ATP10B: variants seen among roughly 807,000 people sequenced by gnomAD.
ATP10B encodes the protein ATPase phospholipid transporting 10B (putative).
ATP10B carries 122 observed loss-of-function variants against 141.2 expected under a neutral mutation model. That is an observed-to-expected ratio of 0.86 (90% CI 0.75 to 1.00). The LOEUF is 1.00. Among genes scored for constraint, ATP10B ranks in the 50% least tolerant of loss-of-function variants. The probability of loss-of-function intolerance (pLI) is 0.00; values close to 1 mark genes in which losing one functional copy is unlikely to be tolerated. For missense variants in ATP10B, 1,876 were observed against 1,825.3 expected (o/e 1.03, Z -0.51); for synonymous variants, 685 against 692.0 (o/e 0.99, Z 0.16).
chr5:160,906,418 T>G, the ATP10B span, among the ~76,000 whole-genome samples: 1 of 152,276 alleles, frequency 6.6e-6, no homozygotes, highest in Non-Finnish European at 1.5e-5. Context: ...AAGGAGCAAT[T>G]TTCACATTTT....
intron 6 of ATP10B, among the ~76,000 whole-genome samples, chr5:160,681,565 G>A (rs1441786413): frequency 6.6e-6 from 1 of 152,146 alleles, no homozygotes; most frequent in Admixed American, 6.5e-5. Context: ...GACAGCTCAA[G>A]CCAAGTTCTA....
chr5:160,620,242 G>C, intron 15 of ATP10B, 105 bp downstream of exon 15: 1 of 1,433,526 alleles, frequency 7.0e-7, no homozygotes, highest in Non-Finnish European at 9.4e-7. Flanking sequence ...GTTGGGACCT[G>C]CCATACCAGG....
At chr5:160,869,971 T>C in the ATP10B span, among the ~76,000 whole-genome samples, 1 of 152,126 alleles carries the variant, frequency 6.6e-6, no homozygotes, top group Non-Finnish European at 1.5e-5. Context: ...TTTTGAAATA[T>C]ACCAGGCAAC....
intron 1 of ATP10B, among the ~76,000 whole-genome samples, chr5:160,813,633 T>C (rs1013847866): frequency 2.0e-5 from 3 of 151,822 alleles, no homozygotes; most frequent in African/African-American, 4.8e-5. Context: ...TCGAAGAGAG[T>C]AGTTGTTCTC....
At chr5:160,802,915 C>T (rs1425648831) in intron 1 of ATP10B, among the ~76,000 whole-genome samples, 2 of 152,156 alleles carry the variant, frequency 1.3e-5, no homozygotes, top group African/African-American at 4.8e-5. Flanking sequence ...ATCCCCATTC[C>T]AGAAAAAGGC....
At chr5:160,733,380 C>T (rs1766869761) in intron 2 of ATP10B, among the ~76,000 whole-genome samples, 1 of 151,744 alleles carries the variant, frequency 6.6e-6, no homozygotes, top group Non-Finnish European at 1.5e-5. Flanking sequence ...TGAAAGGAGT[C>T]TAAGAAAAAG....
At position 160,636,235 on chromosome 5, in the gene ATP10B, G is replaced by C. The variant is rs770370692; in HGVS notation, c.1075C>G (p.Pro359Ala). The change falls in exon 11 of 26, where the codon CCC becomes GCC. Residue 359 changes from proline (P) to alanine (A), a missense_variant. By Grantham distance (27) the Pro-to-Ala change is conservative. Transcript: ENST00000327245. ...DVPDANGSFL[P>A]SALGGFYMFL... ...ATGTAGAAGCCCCCAAGGGCACTGG[G>C]AAGGAAGCTGCCATTGGCATCTGGC... is the stretch of plus-strand genomic sequence containing the variant. The C allele has an allele frequency of 5.6e-6, 9 of 1,613,598 alleles. No homozygotes were observed. In the Admixed American group the frequency reaches 1.5e-4, roughly 27 times the overall value.
intron 14 of ATP10B, 47 bp downstream of exon 14, chr5:160,622,347 T>C: frequency 1.3e-6 from 2 of 1,540,550 alleles, no homozygotes; most frequent in Non-Finnish European, 1.7e-6. Flanking sequence ...TGCCTTCTAC[T>C]CCTCTACCTC....
At chr5:160,888,338 G>A in the ATP10B span, among the ~76,000 whole-genome samples, 1 of 152,212 alleles carries the variant, frequency 6.6e-6, no homozygotes, top group Non-Finnish European at 1.5e-5. Context: ...GAGGCCAAGA[G>A]AGAAGGCAGC....
intron 1 of ATP10B, among the ~76,000 whole-genome samples, chr5:160,834,618 T>C (rs1406164937): frequency 1.3e-5 from 2 of 152,144 alleles, no homozygotes; most frequent in Admixed American, 6.6e-5. Flanking sequence ...GGGAGAACCA[T>C]GCTTAAAATT....
intron 6 of ATP10B, chr5:160,685,195 C>T: frequency 1.6e-6 from 1 of 609,764 alleles, no homozygotes; most frequent in Non-Finnish European, 2.9e-6. Context: ...TTTTCTTTTC[C>T]ACCTTTTCCT....
the ATP10B span, among the ~76,000 whole-genome samples, chr5:160,895,315 C>G: frequency 6.6e-6 from 1 of 152,012 alleles, no homozygotes; most frequent in African/African-American, 2.4e-5. Context: ...ACCCATCTCA[C>G]CTGCAAAGAC....
At chr5:160,838,113 A>G (rs562157563) in intron 1 of ATP10B, among the ~76,000 whole-genome samples, 4 of 152,316 alleles carry the variant, frequency 2.6e-5, no homozygotes, top group African/African-American at 4.8e-5. Flanking sequence ...ACTATACTTC[A>G]TCAATTCATG....
chr5:160,745,872 A>G (rs1466102376), intron 2 of ATP10B, among the ~76,000 whole-genome samples: 1 of 152,266 alleles, frequency 6.6e-6, no homozygotes, highest in Non-Finnish European at 1.5e-5. Context: ...CAATTTGCAC[A>G]TGGACTTAGT....
At chr5:160,668,206 G>C (rs1220542395) in intron 7 of ATP10B, among the ~76,000 whole-genome samples, 1 of 129,316 alleles carries the variant, frequency 7.7e-6, no homozygotes, top group Non-Finnish European at 1.6e-5. Context: ...CTCTAGCTTG[G>C]GTAACAGAGC....
In ATP10B at chr5:160,686,137, A is replaced by G. The variant is rs199860927; in HGVS notation, c.412T>C (p.Phe138Leu). 97 of 1,611,136 alleles carry G rather than the reference A, an allele frequency of 6.0e-5. No individual in the cohort carries two copies. The East Asian group carries it at 2.1e-3, about 36-fold the overall frequency. Reference sequence around the variant, plus strand: ...GCTTTATCAAAGCGGTGTCTCTTGAAGTCCTCCATGCCATCCTTGATCATG... The same window carrying G: ...GCTTTATCAAAGCGGTGTCTCTTGAGGTCCTCCATGCCATCCTTGATCATG... ...VIMIKDGMED[F>L]KRHRFDKAIN... The change falls in exon 6 of 26, where the codon TTC becomes CTC. Residue 138 changes from phenylalanine (F) to leucine (L), a missense_variant. Transcript: ENST00000327245.
intron 19 of ATP10B, 51 bp downstream of exon 19, chr5:160,606,714 C>T (rs768995429): frequency 1.3e-6 from 2 of 1,564,572 alleles, no homozygotes; most frequent in African/African-American, 1.3e-5. Flanking sequence ...TCCAGCCTTT[C>T]ATCAGATCAT....
chr5:160,715,391 T>C (rs1352206507), intron 3 of ATP10B, among the ~76,000 whole-genome samples: 1 of 142,680 alleles, frequency 7.0e-6, no homozygotes, highest in Admixed American at 7.0e-5. Flanking sequence ...GGTGCGTCCG[T>C]CACCCCTTTC....
chr5:160,666,317 G>A (rs1762313320), intron 7 of ATP10B, among the ~76,000 whole-genome samples: 1 of 152,098 alleles, frequency 6.6e-6, no homozygotes, highest in South Asian at 2.1e-4. Context: ...ACAGAAGGAT[G>A]CATATATATT....
Sources: gnomAD v4.1 joint callset for allele counts (sites outside exome capture counted in the v4.1 genomes callset) on GRCh38, gnomAD v4.1.1 for gene constraint, MANE v1.5 for transcripts, NCBI Gene and HGNC (gene_info 2026-07-23, HGNC 2026-07-21) for gene names.